Variants in SEMA6D observed in about 807,000 individuals in gnomAD.
The protein encoded by SEMA6D is semaphorin 6D, also known as semaphorin-6D.
Under a neutral mutation model 106.6 loss-of-function variants are expected in SEMA6D, and 35 were observed. That is an observed-to-expected ratio of 0.33 (90% CI 0.25 to 0.44). The LOEUF (loss-of-function observed/expected upper bound fraction) is 0.44. Among genes scored for constraint, SEMA6D ranks in the 20% least tolerant of loss-of-function variants. The probability of loss-of-function intolerance (pLI) is 1.00; values close to 1 mark genes in which losing one functional copy is unlikely to be tolerated. For missense variants in SEMA6D, 1,185 were observed against 1,345.9 expected, an observed-to-expected ratio of 0.88 and a Z score of 1.87; for synonymous variants, 499 against 487.7, an observed-to-expected ratio of 1.02 and a Z score of -0.31.
At chr15:47,613,371 A>G (rs1049783194) in intron 4 of SEMA6D, among the ~76,000 whole-genome samples, 20 of 152,198 alleles carry the variant, frequency 1.3e-4, no homozygotes, top group Admixed American at 6.5e-4. Context: ...GTATGCATCA[A>G]TTTCCTTCCA....
Position 47,640,730 on chromosome 15 carries a change from A to G in SEMA6D, c.-55+39834A>G, listed in dbSNP as rs998077496. Reference sequence around the variant, plus strand: ...AGTGTTGAAGCAAAAGTGTTGTTATATAACGCGTTTCTTAAGTCAGCGTTA... The same window carrying G: ...AGTGTTGAAGCAAAAGTGTTGTTATGTAACGCGTTTCTTAAGTCAGCGTTA... On this transcript the variant is annotated intron_variant, in intron 4 of 19. Transcript: ENST00000558014. 2.6e-5 allele frequency among the ~76,000 whole-genome samples: 4 copies of G among 152,202 alleles called. No homozygotes were observed. The South Asian group carries it at 8.3e-4, about 32-fold the overall frequency.
chr15:47,211,034 A>G (rs2029954240), intron 1 of SEMA6D, among the ~76,000 whole-genome samples: 1 of 152,148 alleles, frequency 6.6e-6, no homozygotes, highest in South Asian at 2.1e-4. Flanking sequence ...GTACATAAGT[A>G]CAAAATAAAT....
At chr15:47,470,291 T>G (rs540029134) in intron 2 of SEMA6D, among the ~76,000 whole-genome samples, 1 of 152,284 alleles carries the variant, frequency 6.6e-6, no homozygotes, top group South Asian at 2.1e-4. Context: ...GTTGGATTAC[T>G]TATTAAGTTT....
Position 47,773,511 on chromosome 15 carries a change from C to T in SEMA6D, c.*1726C>T, listed in dbSNP as rs2082721301. Reference sequence around the variant, plus strand: ...GAAAGTACCAAGGCAGAGGTATGCTCCTGCTGTAATCAGGCAAATGAGTTC... The same window carrying T: ...GAAAGTACCAAGGCAGAGGTATGCTTCTGCTGTAATCAGGCAAATGAGTTC... On this transcript the variant is annotated 3_prime_UTR_variant, in exon 19 of 19. Coordinates refer to ENST00000536845, the MANE Select transcript of SEMA6D (RefSeq NM_001358351.3). 1 of 152,338 alleles carries T rather than the reference C, an allele frequency of 6.6e-6. No homozygotes were observed. The highest frequency in any genetic ancestry group is 1.5e-5 in the Non-Finnish European group (1 of 68,028). The allele number at this position is 152,338 out of a possible 1,614,324, so 9.4% of individuals were successfully genotyped here.
At chr15:47,197,651 G>A (rs1203605992) in intron 1 of SEMA6D, among the ~76,000 whole-genome samples, 1 of 151,900 alleles carries the variant, frequency 6.6e-6, no homozygotes, top group African/African-American at 2.4e-5. Flanking sequence ...AAAAATCCTA[G>A]CATTAAGTCT....
chr15:47,499,402 A>G (rs2043774104), intron 3 of SEMA6D, among the ~76,000 whole-genome samples: 1 of 152,140 alleles, frequency 6.6e-6, no homozygotes, highest in African/African-American at 2.4e-5. Flanking sequence ...ACCAGCCCCA[A>G]GATTTATGTT....
At chr15:47,645,697 T>C (rs2077570372) in intron 4 of SEMA6D, among the ~76,000 whole-genome samples, 1 of 152,084 alleles carries the variant, frequency 6.6e-6, no homozygotes. Context: ...GAGGGCTCAG[T>C]CCCACAAGAC....
At chr15:47,603,140 T>C (rs901021734) in intron 4 of SEMA6D, among the ~76,000 whole-genome samples, 1 of 152,150 alleles carries the variant, frequency 6.6e-6, no homozygotes, top group Non-Finnish European at 1.5e-5. Context: ...TATAAAGAGA[T>C]ATAGGAGATA....
chr15:47,240,086 T>C (rs1030761127), intron 1 of SEMA6D, among the ~76,000 whole-genome samples: 4 of 152,174 alleles, frequency 2.6e-5, no homozygotes, highest in African/African-American at 4.8e-5. Context: ...ATACATATGG[T>C]AATTGGTCAT....
intron 1 of SEMA6D, among the ~76,000 whole-genome samples, chr15:47,276,264 A>G (rs933730573): frequency 3.3e-5 from 5 of 152,196 alleles, no homozygotes; most frequent in Admixed American, 6.5e-5. Context: ...GGCTAAGATC[A>G]TGGAAGAGGG....
chr15:47,662,695 C>G (rs1031544626), intron 4 of SEMA6D, among the ~76,000 whole-genome samples: 1 of 152,140 alleles, frequency 6.6e-6, no homozygotes, highest in Non-Finnish European at 1.5e-5. Context: ...TTCAGTTCAA[C>G]TCAATGCATA....
At chr15:47,343,248 TTTA>T (rs10637657) in intron 1 of SEMA6D, among the ~76,000 whole-genome samples, 44 of 146,094 alleles carry the variant, frequency 3.0e-4, no homozygotes, top group South Asian at 1.9e-3. Flanking sequence ...TAGTTGGATT[TTTA>T]TTATTATTAT....
chr15:47,765,237 G>C (rs1163328081), intron 13 of SEMA6D, 181 bp downstream of exon 13: 5 of 1,387,808 alleles, frequency 3.6e-6, no homozygotes, highest in African/African-American at 1.5e-5. Flanking sequence ...GCTAGGGCGA[G>C]GGGGGTGAAT....
intron 1 of SEMA6D, among the ~76,000 whole-genome samples, chr15:47,195,911 C>T (rs17283647): frequency 1.1e-4 from 16 of 144,148 alleles, no homozygotes; most frequent in South Asian, 2.4e-4. Flanking sequence ...CGTGGGTGAG[C>T]GTGTGGATGA....
chr15:47,663,674 T>C (rs1316140844), intron 4 of SEMA6D, among the ~76,000 whole-genome samples: 3 of 152,188 alleles, frequency 2.0e-5, no homozygotes, highest in Admixed American at 6.5e-5. Context: ...AAGATCCCGA[T>C]GTTTTGTGAA....
At chr15:47,391,797 A>T (rs541245112) in intron 1 of SEMA6D, among the ~76,000 whole-genome samples, 6 of 152,128 alleles carry the variant, frequency 3.9e-5, no homozygotes, top group Non-Finnish European at 8.8e-5. Context: ...AGATTTTTTG[A>T]AAAGAAAGAA....
At chr15:47,739,611 G>A (rs2080677908) in intron 1 of SEMA6D, among the ~76,000 whole-genome samples, 2 of 152,236 alleles carry the variant, frequency 1.3e-5, no homozygotes, top group African/African-American at 2.4e-5. Context: ...AACTTCTAAT[G>A]TGTTGACAGC....
chr15:47,572,170 C>A (rs1347837621), intron 3 of SEMA6D, among the ~76,000 whole-genome samples: 1 of 152,140 alleles, frequency 6.6e-6, no homozygotes, highest in Non-Finnish European at 1.5e-5. Context: ...TAGATGTCAT[C>A]CCTAGGGAAT....
chr15:47,674,076 G>A (rs771498892), intron 4 of SEMA6D, among the ~76,000 whole-genome samples: 15 of 152,128 alleles, frequency 9.9e-5, no homozygotes, highest in Non-Finnish European at 1.9e-4. Context: ...CCATGGGACA[G>A]CCGTGTCTCA....
Sources: allele counts gnomAD v4.1 joint callset (sites outside exome capture counted in the v4.1 genomes callset), GRCh38; gene constraint gnomAD v4.1.1; transcripts MANE v1.5; gene names NCBI Gene and HGNC (gene_info 2026-07-23, HGNC 2026-07-21).